C16orf89: variants seen among roughly 807,000 people sequenced by gnomAD.
The protein encoded by C16orf89 is chromosome 16 open reading frame 89.
Under a neutral mutation model 41.5 loss-of-function variants are expected in C16orf89, and 57 were observed. The observed-to-expected ratio is 1.38, with a 90% CI of 1.11 to 1.71. C16orf89 has a LOEUF of 1.71. Ranked by LOEUF, C16orf89 falls within the 40% of genes most tolerant of loss-of-function variation. C16orf89 has a pLI of 0.00. For synonymous variants in C16orf89, 223 were observed against 190.6 expected, an observed-to-expected ratio of 1.17 and a Z score of -1.40; for missense variants, 575 against 445.9, an observed-to-expected ratio of 1.29 and a Z score of -2.61.
At chr16:5,060,755 T>G (rs1318358365) in intron 2 of C16orf89, among the ~76,000 whole-genome samples, 2 of 152,036 alleles carry the variant, frequency 1.3e-5, no homozygotes, top group African/African-American at 4.8e-5. Context: ...ATCCCAGCAC[T>G]TGGGGAGGCT....
chr16:5,055,301 C>T lies in C16orf89; in HGVS notation c.813G>A (p.Trp271Ter). Residue 271 changes from tryptophan to a stop codon, truncating the protein, a stop_gained, in exon 6 of 8, where the codon TGG becomes TGA. Coordinates refer to ENST00000472572, the MANE Select transcript of C16orf89 (RefSeq NM_001098514.3). LOFTEE classifies it high-confidence loss of function. ...GGFSDFYKLR[W>*]LEAILSWQKQ... ...TCTGCCAGCTGAGAATGGCCTCCAG[C>T]CACCGGAGCTTGTAGAAGTCGGAGA... is the stretch of plus-strand genomic sequence containing the variant. 7.4e-6 allele frequency: 12 copies of T among 1,613,618 alleles called. No homozygotes were observed. Among genetic ancestry groups the T allele is most frequent in the Non-Finnish European group, 1.0e-5 (12 of 1,179,788 alleles).
chr16:5,065,814 T>G lies in C16orf89; in HGVS notation c.95A>C (p.Lys32Thr), dbSNP rs1956729847. The change falls in exon 1 of 8, where the codon AAA (lysine) becomes ACA (threonine). Residue 32 changes from lysine (K) to threonine (T), a missense_variant. Coordinates refer to ENST00000472572, the MANE Select transcript of C16orf89 (RefSeq NM_001098514.3). ...CAGGATCAGGTCTGCAATGGTGGCT[T>G]TACTTTCAGCAGTGTCCAGCCCAGG... is the stretch of plus-strand genomic sequence containing the variant. ...SLPGLDTAESKATIADLILSA... is the reference protein window; with the variant it reads ...SLPGLDTAESTATIADLILSA... The G allele has an allele frequency of 6.2e-7, 1 of 1,614,068 alleles. No individual in the cohort carries two copies.
intron 6 of C16orf89, among the ~76,000 whole-genome samples, chr16:5,053,986 C>T (rs1361352255): frequency 6.6e-6 from 1 of 152,196 alleles, no homozygotes; most frequent in Non-Finnish European, 1.5e-5. Flanking sequence ...ACAATTATTA[C>T]ATGTCTATTG....
chr16:5,055,310 C>G lies in C16orf89; in HGVS notation c.804G>C (p.Lys268Asn), dbSNP rs1284708732. 10 of 1,613,518 alleles carry G rather than the reference C, an allele frequency of 6.2e-6. No individual in the cohort carries two copies. The South Asian group carries it at 1.1e-4, about 18-fold the overall frequency. The change falls in exon 6 of 8, where the codon AAG becomes AAC. Residue 268 changes from lysine (K) to asparagine (N), a missense_variant. Coordinates refer to ENST00000472572, the MANE Select transcript of C16orf89 (RefSeq NM_001098514.3). ...CGMGGFSDFY[K>N]LRWLEAILSW... Reference sequence around the variant, plus strand: ...TGAGAATGGCCTCCAGCCACCGGAGCTTGTAGAAGTCGGAGAAGCCGCCCA... The same window carrying G: ...TGAGAATGGCCTCCAGCCACCGGAGGTTGTAGAAGTCGGAGAAGCCGCCCA...
intron 5 of C16orf89, 192 bp from the exon 6 acceptor site, chr16:5,055,542 C>T (rs1956480602): frequency 2.0e-6 from 2 of 1,016,220 alleles, no homozygotes; most frequent in East Asian, 2.6e-5. Context: ...ATGCTTGTGT[C>T]CCGCCTCCCA....
chr16:5,059,065 C>A (rs1243609245), intron 3 of C16orf89, among the ~76,000 whole-genome samples: 1 of 151,854 alleles, frequency 6.6e-6, no homozygotes, highest in South Asian at 2.1e-4. Flanking sequence ...CATGGTGAAA[C>A]CCTGTCTCTA....
rs376109839 is a variant in C16orf89, at chr16:5,062,471, C to G, written c.312G>C (p.Gln104His). The G allele has an allele frequency of 4.5e-5, 73 of 1,614,000 alleles. No individual in the cohort carries two copies. Among genetic ancestry groups the G allele is most frequent in the Non-Finnish European group, 5.9e-5 (70 of 1,180,006 alleles). ...MLGEKLEAAIQRSLHYLKLSD... is the reference protein window; with the variant it reads ...MLGEKLEAAIHRSLHYLKLSD... ...TCAGCTTGAGGTAGTGGAGGGATCT[C>G]TGGATGGCAGCCTCCAGCTTCTCCC... is the stretch of plus-strand genomic sequence containing the variant. Residue 104 changes from glutamine (Q) to histidine (H), a missense_variant, in exon 2 of 8, where the codon CAG becomes CAC. Coordinates refer to ENST00000472572, the MANE Select transcript of C16orf89 (RefSeq NM_001098514.3).
rs1481746384 is a variant in C16orf89, at chr16:5,056,101, C to T, written c.715G>A (p.Glu239Lys). 4 of 1,600,344 alleles carry T rather than the reference C, an allele frequency of 2.5e-6. No individual in the cohort carries two copies. In the African/African-American group the frequency reaches 4.0e-5, roughly 16 times the overall value. The change falls in exon 5 of 8, where the codon GAG becomes AAG. Residue 239 changes from glutamate (E) to lysine (K), a missense_variant. Physicochemically the swap from Glu to Lys is moderately conservative, Grantham distance 56. Transcript: ENST00000472572. ...ANMMDLNRRA[E>K]AIGYAYPTRD... is the part of the protein sequence containing the mutation. ...GTAGGGTAGGCGTATCCGATGGCCTCAGCTCTGCGGTTCAAGTCCATCATG... is the reference window on the plus strand; with the variant it reads ...GTAGGGTAGGCGTATCCGATGGCCTTAGCTCTGCGGTTCAAGTCCATCATG...
At chr16:5,059,414 C>T (rs1320697624) in intron 3 of C16orf89, among the ~76,000 whole-genome samples, 4 of 150,720 alleles carry the variant, frequency 2.7e-5, no homozygotes, top group African/African-American at 4.9e-5. Flanking sequence ...TGCAGTGAGC[C>T]GAGAAAGAAC....
In C16orf89 at chr16:5,057,288, A is replaced by G. The variant is rs540483292; in HGVS notation, c.628-1100T>C. Among the ~76,000 whole-genome samples, 12 of 126,428 alleles carry G rather than the reference A, an allele frequency of 9.5e-5. 1 individual carries two copies. In the South Asian group the frequency reaches 2.2e-3, roughly 23 times the overall value. The allele number at this position is 126,428 out of a possible 152,430, so 82.9% of individuals were successfully genotyped here. ...TATACATATATATATGTATATATAT[A>G]TGTGTATATATATATATAGTGGTAT... On this transcript the variant is annotated intron_variant, in intron 4 of 7. Transcript: ENST00000472572.
At position 5,060,362 on chromosome 16, in the gene C16orf89, A is replaced by G. The variant is rs1440122701; in HGVS notation, c.433T>C (p.Tyr145His). 3 of 1,613,670 alleles carry G rather than the reference A, an allele frequency of 1.9e-6. No individual in the cohort carries two copies. Among genetic ancestry groups the G allele is most frequent in the Non-Finnish European group, 2.5e-6 (3 of 1,179,854 alleles). ...AWIHTDASLVYPTFGPQDSFS... is the reference protein window; with the variant it reads ...AWIHTDASLVHPTFGPQDSFS... ...GAGTCCTGGGGCCCGAACGTGGGGT[A>G]CACCAAGGAGGCATCAGTGTGGATC... Residue 145 changes from tyrosine to histidine, a missense_variant, in exon 3 of 8, where the codon TAC (tyrosine) becomes CAC (histidine). Coordinates refer to ENST00000472572, the MANE Select transcript of C16orf89 (RefSeq NM_001098514.3).
chr16:5,055,988 TG>T, intron 5 of C16orf89, 64 bp downstream of exon 5: 1 of 986,506 alleles, frequency 1.0e-6, no homozygotes, highest in Middle Eastern at 3.2e-4. Context: ...TGTGTGTGTG[TG>T]TGTGTGTGTG....
rs762366074 is a variant in C16orf89 at position 5,058,464 on chromosome 16, G to A, written c.627+29C>T. ...TTTCCTTTTTCCTTCCCCTTCCCCT[G>A]GCACGGCGGGGGCTCCCTGGGCACT... On this transcript the variant is annotated intron_variant, in intron 4 of 7. Transcript: ENST00000472572. 3.5e-5 allele frequency: 54 copies of A among 1,549,988 alleles called. No individual in the cohort carries two copies. The South Asian group carries it at 5.4e-4, about 15-fold the overall frequency.
chr16:5,043,999 TAAA>T (rs35753287), downstream of C16orf89: 860 of 375,858 alleles, frequency 2.3e-3, no homozygotes, highest in Non-Finnish European at 2.8e-3. Flanking sequence ...ATCTATTAAT[TAAA>T]AAAAAAAAAA....
At chr16:5,055,416 G>C in intron 5 of C16orf89, 66 bp from the exon 6 acceptor site, 1 of 1,396,210 alleles carries the variant, frequency 7.2e-7, no homozygotes, top group Non-Finnish European at 9.9e-7. Flanking sequence ...CACTCCCCAG[G>C]GCTGCCACGG....
chr16:5,052,980 C>T (rs556157008), intron 6 of C16orf89, among the ~76,000 whole-genome samples: 1 of 152,118 alleles, frequency 6.6e-6, no homozygotes, highest in East Asian at 1.9e-4. Context: ...ATAGCAACAT[C>T]GATGAACTTG....
At chr16:5,065,659 T>C (rs375832443) in intron 1 of C16orf89, 42 bp downstream of exon 1, 1 of 1,566,676 alleles carries the variant, frequency 6.4e-7, no homozygotes, top group African/African-American at 1.4e-5. Flanking sequence ...AGCTGAGAGC[T>C]AGCTTCCCAG....
chr16:5,054,165 A>C (rs946872983), intron 6 of C16orf89, among the ~76,000 whole-genome samples: 1 of 152,194 alleles, frequency 6.6e-6, no homozygotes, highest in African/African-American at 2.4e-5. Flanking sequence ...TAATGAGGAC[A>C]CTAGCATTTC....
intron 1 of C16orf89, among the ~76,000 whole-genome samples, chr16:5,064,161 A>G (rs1956688339): frequency 6.6e-6 from 1 of 151,948 alleles, no homozygotes; most frequent in Admixed American, 6.6e-5. Context: ...ATAAATAAAA[A>G]ATAAAGTGCA....
Sources: gnomAD v4.1 joint callset for allele counts (sites outside exome capture counted in the v4.1 genomes callset) on GRCh38, gnomAD v4.1.1 for gene constraint, MANE v1.5 for transcripts, NCBI Gene and HGNC (gene_info 2026-07-23, HGNC 2026-07-21) for gene names.